NRXN1: variants seen among roughly 807,000 people sequenced by gnomAD.
The protein encoded by NRXN1 is neurexin-1.
NRXN1 carries 39 observed loss-of-function variants against 150.9 expected under a neutral mutation model. That is an observed-to-expected ratio of 0.26 (90% CI 0.20 to 0.34). The LOEUF (loss-of-function observed/expected upper bound fraction) is 0.34. Among genes scored for constraint, NRXN1 ranks in the 10% least tolerant of loss-of-function variants. The pLI is 1.00. For missense variants in NRXN1, 1,815 were observed against 1,949.9 expected, an observed-to-expected ratio of 0.93 and a Z score of 1.30; for synonymous variants, 924 against 757.0, an observed-to-expected ratio of 1.22 and a Z score of -3.62.
chr2:50,572,267 G>A (rs1214290812), intron 8 of NRXN1, among the ~76,000 whole-genome samples: 1 of 152,124 alleles, frequency 6.6e-6, no homozygotes, highest in Non-Finnish European at 1.5e-5. Flanking sequence ...AAAACATGAG[G>A]TCAATACCAG....
At chr2:50,451,558 C>T (rs1267962223) in intron 17 of NRXN1, among the ~76,000 whole-genome samples, 1 of 152,116 alleles carries the variant, frequency 6.6e-6, no homozygotes, top group African/African-American at 2.4e-5. Flanking sequence ...TGCATCGGTT[C>T]TTCCTCATTT....
In NRXN1 at chr2:50,932,430, T is replaced by C. The variant is rs556535237; in HGVS notation, c.773-6475A>G. On this transcript the variant is annotated intron_variant, in intron 2 of 22. Transcript: ENST00000401669. Reference sequence around the variant, plus strand: ...TTGAAGACAGCAAATACTTGGTTGGTAGATTGTTACCCATTTTGCCATTCT... The same window carrying C: ...TTGAAGACAGCAAATACTTGGTTGGCAGATTGTTACCCATTTTGCCATTCT... Among the ~76,000 whole-genome samples the C allele has an allele frequency of 3.9e-5, 6 of 152,206 alleles. No individual in the cohort carries two copies. The South Asian group carries it at 8.3e-4, about 21-fold the overall frequency.
At chr2:50,791,040 A>C (rs1275171765) in intron 5 of NRXN1, among the ~76,000 whole-genome samples, 1 of 151,766 alleles carries the variant, frequency 6.6e-6, no homozygotes, top group Non-Finnish European at 1.5e-5. Flanking sequence ...GGAAAGAAGA[A>C]AATCTCAACA....
In NRXN1 at chr2:50,376,315, T is replaced by C. The variant is rs552644530; in HGVS notation, c.3364+89127A>G. Among the ~76,000 whole-genome samples, 445 of 151,580 alleles carry C rather than the reference T, an allele frequency of 2.9e-3. 2 individuals carry two copies. The highest frequency in any genetic ancestry group is 0.011 in the African/African-American group (435 of 41,302). On this transcript the variant is annotated intron_variant, in intron 17 of 22. Coordinates refer to ENST00000401669, the MANE Select transcript of NRXN1 (RefSeq NM_001330078.2). Reference sequence around the variant, plus strand: ...TTTGGGTTGTGAACAAAATTATTTGTCTCCATTTGTGTTCTATTGGCTTAC... The same window carrying C: ...TTTGGGTTGTGAACAAAATTATTTGCCTCCATTTGTGTTCTATTGGCTTAC...
At chr2:50,572,033 T>G (rs972225188) in intron 8 of NRXN1, among the ~76,000 whole-genome samples, 1 of 151,804 alleles carries the variant, frequency 6.6e-6, no homozygotes, top group Admixed American at 6.6e-5. Flanking sequence ...CAGAAGGGAG[T>G]TATATTAGAG....
chr2:50,544,357 T>G (rs1171010378), intron 9 of NRXN1, among the ~76,000 whole-genome samples: 1 of 152,102 alleles, frequency 6.6e-6, no homozygotes, highest in Non-Finnish European at 1.5e-5. Context: ...GACAGTGTAA[T>G]TATGAGTGTT....
At chr2:50,384,581 T>C (rs1374899742) in intron 17 of NRXN1, among the ~76,000 whole-genome samples, 2 of 151,290 alleles carry the variant, frequency 1.3e-5, no homozygotes, top group East Asian at 3.9e-4. Flanking sequence ...TTTCAGTTGC[T>C]GATTGTCCCC....
intron 2 of NRXN1, among the ~76,000 whole-genome samples, chr2:50,926,796 A>C (rs930666241): frequency 6.6e-6 from 1 of 151,900 alleles, no homozygotes; most frequent in Non-Finnish European, 1.5e-5. Context: ...ATGTTTTCAT[A>C]TATTTTGTTA....
At chr2:50,094,388 G>A (rs912682403) in intron 18 of NRXN1, among the ~76,000 whole-genome samples, 5 of 152,198 alleles carry the variant, frequency 3.3e-5, no homozygotes, top group Non-Finnish European at 7.4e-5. Flanking sequence ...GAGATGTGAT[G>A]TGATTTCCAC....
At chr2:50,004,134 T>C (rs902177438) in intron 21 of NRXN1, among the ~76,000 whole-genome samples, 3 of 152,050 alleles carry the variant, frequency 2.0e-5, no homozygotes, top group East Asian at 1.9e-4. Context: ...GAGATAGAGA[T>C]AGGCAGGAGT....
At chr2:49,950,423 A>G (rs532382599) in intron 21 of NRXN1, among the ~76,000 whole-genome samples, 4 of 152,066 alleles carry the variant, frequency 2.6e-5, no homozygotes, top group African/African-American at 9.6e-5. Flanking sequence ...TACCTCCAGC[A>G]CATGAATAAG....
intron 5 of NRXN1, among the ~76,000 whole-genome samples, chr2:50,755,234 A>C (rs1295577379): frequency 3.3e-5 from 5 of 151,818 alleles, no homozygotes; most frequent in Non-Finnish European, 5.9e-5. Context: ...TAGCTTAGAA[A>C]TCTCAACCCC....
chr2:50,900,915 A>G (rs995404991), intron 5 of NRXN1, among the ~76,000 whole-genome samples: 2 of 152,170 alleles, frequency 1.3e-5, no homozygotes, highest in African/African-American at 4.8e-5. Flanking sequence ...CTGAACTCAT[A>G]TTGAATTACC....
At chr2:50,012,127 G>A (rs1685777961) in intron 21 of NRXN1, among the ~76,000 whole-genome samples, 1 of 152,020 alleles carries the variant, frequency 6.6e-6, no homozygotes, top group South Asian at 2.1e-4. Flanking sequence ...AACAATAATG[G>A]TTCATGGACA....
chr2:50,354,554 CATATATATATATATATATATAT>C (rs71404946), intron 17 of NRXN1, among the ~76,000 whole-genome samples: 3 of 100,132 alleles, frequency 3.0e-5, no homozygotes, highest in Admixed American at 1.1e-4. Flanking sequence ...AGAGTGCATA[CATATATATATATATATATATAT>C]ATATATATAT....
At chr2:50,292,863 AT>A (rs2073100776) in intron 17 of NRXN1, among the ~76,000 whole-genome samples, 2 of 152,162 alleles carry the variant, frequency 1.3e-5, no homozygotes, top group Non-Finnish European at 2.9e-5. Context: ...CTTGATTCAT[AT>A]TTTTAATCTT....
chr2:50,675,355 G>C (rs747314884), intron 5 of NRXN1, among the ~76,000 whole-genome samples: 4 of 152,050 alleles, frequency 2.6e-5, no homozygotes, highest in African/African-American at 9.7e-5. Flanking sequence ...CAAGTATTTT[G>C]GGCTGCTAGT....
At chr2:50,869,823 T>C (rs1037433007) in intron 5 of NRXN1, among the ~76,000 whole-genome samples, 1 of 151,852 alleles carries the variant, frequency 6.6e-6, no homozygotes, top group Non-Finnish European at 1.5e-5. Flanking sequence ...GTGAGTTGAT[T>C]TGAAATTTCT....
At chr2:50,015,285 T>G (rs7591097) in intron 21 of NRXN1, among the ~76,000 whole-genome samples, 71,085 of 151,580 alleles carry the variant, frequency 0.47, 17,238 homozygotes, top group Middle Eastern at 0.62. Flanking sequence ...CCATGTTCCT[T>G]TAACGATATG....
Sources: gnomAD v4.1 joint callset for allele counts (sites outside exome capture counted in the v4.1 genomes callset) on GRCh38, gnomAD v4.1.1 for gene constraint, MANE v1.5 for transcripts, NCBI Gene and HGNC (gene_info 2026-07-23, HGNC 2026-07-21) for gene names.